PPEF1: variants seen among roughly 807,000 people sequenced by gnomAD.
PPEF1 encodes the protein serine/threonine-protein phosphatase with EF-hands 1.
In PPEF1, 12 loss-of-function variants were observed where a neutral mutation model predicts 53.3. The ratio of observed to expected loss-of-function variants is 0.23; its 90% CI spans 0.14 to 0.36. PPEF1 has a LOEUF of 0.36. Among genes scored for constraint, PPEF1 ranks in the 10% least tolerant of loss-of-function variants. PPEF1 has a pLI of 1.00. For missense variants in PPEF1, 334 were observed against 490.4 expected, an observed-to-expected ratio of 0.68 and a Z score of 3.01; for synonymous variants, 165 against 176.7, an observed-to-expected ratio of 0.93 and a Z score of 0.52.
At position 18,778,865 on chromosome X, in the gene PPEF1, C is replaced by T. The variant is rs972249993; in HGVS notation, c.559-145C>T. On this transcript the variant is annotated intron_variant, in intron 6 of 15. Coordinates refer to ENST00000470157, the MANE Select transcript of PPEF1 (RefSeq NM_001377996.1). ...GCCTGCCGTGGAAGAGTAAAACTGG[C>T]TCAAGCGAGAGAGCAGATTTTTCCC... 3 of 586,359 alleles carry T rather than the reference C, an allele frequency of 5.1e-6. No homozygotes were observed. The Admixed American group carries it at 1.0e-4, about 20-fold the overall frequency. 48.3% of individuals were successfully genotyped at this position (586,359 alleles called of 1,213,427 possible). A position where few individuals can be genotyped will look rare whatever the true frequency, so the allele number is the denominator to read the frequency against.
intron 4 of PPEF1, among the ~76,000 whole-genome samples, chrX:18,755,174 A>T (rs1169891485): frequency 1.8e-5 from 2 of 111,214 alleles, no homozygotes; most frequent in African/African-American, 6.6e-5. Context: ...AAAAGGTTCA[A>T]CACAGTGTAC....
intron 10 of PPEF1, among the ~76,000 whole-genome samples, chrX:18,801,357 T>G (rs2046541869): frequency 8.9e-6 from 1 of 111,971 alleles, no homozygotes; most frequent in Admixed American, 9.6e-5. Flanking sequence ...TCACTTATTT[T>G]CTAGCTCCTC....
chrX:18,813,885 T>G (rs1274491297), intron 12 of PPEF1, among the ~76,000 whole-genome samples: 2 of 111,982 alleles, frequency 1.8e-5, no homozygotes, highest in Non-Finnish European at 3.8e-5. Flanking sequence ...TGTGCAGATT[T>G]GTTACATGGG....
chrX:18,738,590 G>T, intron 3 of PPEF1, among the ~76,000 whole-genome samples: 1 of 106,881 alleles, frequency 9.4e-6, no homozygotes. Flanking sequence ...TGGTGAATCT[G>T]ACAATTATGT....
intron 3 of PPEF1, among the ~76,000 whole-genome samples, chrX:18,746,878 T>G (rs1230646281): frequency 8.9e-6 from 1 of 111,912 alleles, no homozygotes; most frequent in Non-Finnish European, 1.9e-5. Flanking sequence ...CCCATTTTCC[T>G]TGTATATAAA....
intron 10 of PPEF1, among the ~76,000 whole-genome samples, chrX:18,795,937 G>A (rs1326926444): frequency 8.9e-6 from 1 of 111,804 alleles, no homozygotes; most frequent in East Asian, 2.8e-4. Flanking sequence ...ACAGGACACT[G>A]GGTTTTGTTT....
intron 6 of PPEF1, among the ~76,000 whole-genome samples, chrX:18,770,473 C>T (rs1203048946): frequency 2.7e-5 from 3 of 111,648 alleles, no homozygotes; most frequent in Non-Finnish European, 3.8e-5. Flanking sequence ...GAGATAGTGA[C>T]ATACTCTCTT....
chrX:18,731,290 G>A (rs904068696), intron 2 of PPEF1, among the ~76,000 whole-genome samples: 2 of 112,119 alleles, frequency 1.8e-5, no homozygotes, highest in East Asian at 5.6e-4. Context: ...GATGTTAAGA[G>A]GGACTTCTCA....
At chrX:18,730,985 A>T (rs938034023) in intron 2 of PPEF1, among the ~76,000 whole-genome samples, 5 of 111,974 alleles carry the variant, frequency 4.5e-5, no homozygotes, top group Non-Finnish European at 5.6e-5. Flanking sequence ...AAAGTTCTGG[A>T]ATTACAGGCG....
chrX:18,738,955 G>A (rs1231014450), intron 3 of PPEF1, among the ~76,000 whole-genome samples: 9 of 112,016 alleles, frequency 8.0e-5, no homozygotes, highest in African/African-American at 2.6e-4. Flanking sequence ...TGTAATTCTC[G>A]TGCCGTGGTT....
At chrX:18,704,099 A>AT (rs1191577274), upstream of PPEF1, among the ~76,000 whole-genome samples, 2 of 107,762 alleles carry the variant, frequency 1.9e-5, no homozygotes, top group East Asian at 5.9e-4. Flanking sequence ...AATTTTTTGT[A>AT]TTTTTTGGTA....
intron 11 of PPEF1, among the ~76,000 whole-genome samples, chrX:18,804,433 A>C (rs1188024671): frequency 9.1e-6 from 1 of 109,868 alleles, no homozygotes; most frequent in African/African-American, 3.3e-5. Context: ...CAGCCACCCA[A>C]GTAGCTGGGA....
At chrX:18,703,828 G>C (rs1451853141), upstream of PPEF1, among the ~76,000 whole-genome samples, 4 of 109,552 alleles carry the variant, frequency 3.7e-5, no homozygotes, top group East Asian at 1.1e-3. Flanking sequence ...AATCGAAATT[G>C]AAATATGTCA....
At chrX:18,797,354 A>C (rs1055934567) in intron 10 of PPEF1, among the ~76,000 whole-genome samples, 4 of 111,938 alleles carry the variant, frequency 3.6e-5, no homozygotes, top group African/African-American at 1.3e-4. Context: ...ATTTTCCCTT[A>C]TGTTCACTGA....
intron 14 of PPEF1, among the ~76,000 whole-genome samples, chrX:18,824,822 C>T (rs901191463): frequency 1.3e-4 from 14 of 110,101 alleles, no homozygotes; most frequent in African/African-American, 4.6e-4. Context: ...TGCCACCATA[C>T]CCAGCTAATT....
intron 6 of PPEF1, among the ~76,000 whole-genome samples, chrX:18,762,068 T>A (rs2045678238): frequency 9.0e-6 from 1 of 111,705 alleles, no homozygotes; most frequent in African/African-American, 3.3e-5. Flanking sequence ...TCCAATGCTG[T>A]GCCTCCTCTT....
intron 3 of PPEF1, among the ~76,000 whole-genome samples, chrX:18,742,601 G>A (rs1428169009): frequency 9.0e-6 from 1 of 111,391 alleles, no homozygotes; most frequent in Non-Finnish European, 1.9e-5. Context: ...ACTCATGCCT[G>A]TAATCTCAGC....
chrX:18,730,995 G>A (rs754044822), intron 2 of PPEF1, among the ~76,000 whole-genome samples: 8 of 111,784 alleles, frequency 7.2e-5, no homozygotes, highest in Non-Finnish European at 1.1e-4. Context: ...AATTACAGGC[G>A]TGAGCCACCG....
intron 1 of PPEF1, among the ~76,000 whole-genome samples, chrX:18,710,649 G>A (rs184585117): frequency 2.1e-3 from 238 of 111,564 alleles, no homozygotes; most frequent in African/African-American, 7.4e-3. Context: ...ATACCGGTCA[G>A]AATGGCTATT....
Sources: allele counts gnomAD v4.1 joint callset (sites outside exome capture counted in the v4.1 genomes callset), GRCh38; gene constraint gnomAD v4.1.1; transcripts MANE v1.5; gene names NCBI Gene and HGNC (gene_info 2026-07-23, HGNC 2026-07-21).